The following GLTP variants were observed in gnomAD, a reference collection of about 807,000 sequenced individuals.
GLTP encodes glycolipid transfer protein.
GLTP carries 22 observed loss-of-function variants against 24.0 expected under a neutral mutation model. The observed-to-expected ratio is 0.92, with a 90% CI of 0.65 to 1.31. The LOEUF is 1.31. GLTP is among the 50% of genes most tolerant of loss of function. GLTP has a pLI of 0.00. For missense variants in GLTP, 224 were observed against 276.6 expected, an observed-to-expected ratio of 0.81 and a Z score of 1.35; for synonymous variants, 92 against 115.9, an observed-to-expected ratio of 0.79 and a Z score of 1.33.
At chr12:109,868,848 T>C (rs185552557) in intron 1 of GLTP, among the ~76,000 whole-genome samples, 1 of 152,270 alleles carries the variant, frequency 6.6e-6, no homozygotes, top group Non-Finnish European at 1.5e-5. Context: ...TTTATTAATC[T>C]GGGGGTGCGG....
At chr12:109,868,965 G>A (rs1047245891) in intron 1 of GLTP, among the ~76,000 whole-genome samples, 1 of 152,082 alleles carries the variant, frequency 6.6e-6, no homozygotes, top group African/African-American at 2.4e-5. Flanking sequence ...ACCTAAAGAG[G>A]AAAGAATGTT....
chr12:109,857,397 T>C lies in GLTP; in HGVS notation c.296+129A>G, dbSNP rs999046176. The C allele has an allele frequency of 1.9e-6, 2 of 1,040,858 alleles. No homozygotes were observed. Among genetic ancestry groups the C allele is most frequent in the Middle Eastern group, 3.2e-4 (1 of 3,124 alleles). The allele number at this position is 1,040,858 out of a possible 1,614,324, so 64.5% of individuals were successfully genotyped here. On this transcript the variant is annotated intron_variant, in intron 3 of 4. Coordinates refer to ENST00000318348, the MANE Select transcript of GLTP (RefSeq NM_016433.4). The surrounding 1 kb of genome is among the most constrained non-coding windows in gnomAD (Gnocchi z 4.3). ...CATTGGGAGGCCTTTTCCCAGCCAT[T>C]AACTAGCATCACACTGGAAGGGCTC...
Position 109,855,628 on chromosome 12 carries a change from C to T in GLTP, c.438G>A (p.Lys146=). Reference sequence around the variant, plus strand: ...CATGGGGGTGGCTCACCTGGAAGATCTTCTGCACGATCCAGCCATGGTACT... The same window carrying T: ...CATGGGGGTGGCTCACCTGGAAGATTTTCTGCACGATCCAGCCATGGTACT... ...LKKYHGWIVQ[K]IFQAALYAAP... Residue 146 remains lysine (K), a synonymous_variant, in exon 4 of 5, where the codon AAG becomes AAA. Coordinates refer to ENST00000318348, the MANE Select transcript of GLTP (RefSeq NM_016433.4). This position sits in a 1 kb window ranked among gnomAD's most constrained non-coding sequence, Gnocchi z 4.1. 1 of 1,560,776 alleles carries T rather than the reference C, an allele frequency of 6.4e-7. No individual in the cohort carries two copies. The highest frequency in any genetic ancestry group is 8.7e-7 in the Non-Finnish European group (1 of 1,152,856).
intron 1 of GLTP, among the ~76,000 whole-genome samples, chr12:109,874,125 G>T (rs939929837): frequency 1.3e-5 from 2 of 152,154 alleles, no homozygotes; most frequent in Non-Finnish European, 2.9e-5. Context: ...AGGACAGCAG[G>T]CATGACAGCA....
chr12:109,876,491 A>C (rs1444469530), intron 1 of GLTP, among the ~76,000 whole-genome samples: 1 of 151,962 alleles, frequency 6.6e-6, no homozygotes, highest in African/African-American at 2.4e-5. Flanking sequence ...GCAAGACAGA[A>C]AGAAAGAAAA....
At chr12:109,871,228 T>A (rs1485237593) in intron 1 of GLTP, among the ~76,000 whole-genome samples, 1 of 151,768 alleles carries the variant, frequency 6.6e-6, no homozygotes, top group Non-Finnish European at 1.5e-5. Flanking sequence ...GATTACAGGA[T>A]TGCGCCACCA....
intron 1 of GLTP, among the ~76,000 whole-genome samples, chr12:109,873,145 T>C (rs1326010730): frequency 1.3e-5 from 2 of 151,698 alleles, no homozygotes; most frequent in East Asian, 3.9e-4. Context: ...CCCTGTTCTA[T>C]ACAAAACCAA....
At chr12:109,853,793 G>C (rs1021452334) in intron 4 of GLTP, among the ~76,000 whole-genome samples, 12 of 151,658 alleles carry the variant, frequency 7.9e-5, no homozygotes, top group African/African-American at 2.7e-4. Context: ...CTCCAGGCTG[G>C]AGTCAGTGGC....
chr12:109,852,590 T>C lies in GLTP; in HGVS notation c.595A>G (p.Thr199Ala), dbSNP rs1892740017. Residue 199 changes from threonine to alanine, a missense_variant, in exon 5 of 5, where the codon ACC becomes GCC. By Grantham distance (58) the Thr-to-Ala change is moderately conservative. Coordinates refer to ENST00000318348, the MANE Select transcript of GLTP (RefSeq NM_016433.4). ...ATIDVIYEMY[T>A]QMNAELNYKV ...TAGTTAAGCTCAGCGTTCATCTGGG[T>C]GTACATCTCGTAGATGACATCGATG... 5.0e-6 allele frequency: 8 copies of C among 1,610,524 alleles called. No individual in the cohort carries two copies. The highest frequency in any genetic ancestry group is 1.7e-5 in the Admixed American group (1 of 59,996).
intron 1 of GLTP, among the ~76,000 whole-genome samples, chr12:109,859,256 A>G (rs953537077): frequency 2.0e-5 from 3 of 152,204 alleles, no homozygotes; most frequent in Non-Finnish European, 2.9e-5. Flanking sequence ...GCAGTGGCTC[A>G]CGCCTGTAAT....
At chr12:109,856,558 G>A (rs551196084) in intron 3 of GLTP, among the ~76,000 whole-genome samples, 1 of 152,206 alleles carries the variant, frequency 6.6e-6, no homozygotes, top group Non-Finnish European at 1.5e-5. Flanking sequence ...CTGACCCCCA[G>A]CAGGCTCTTT....
chr12:109,858,616 G>A (rs1367241477), intron 2 of GLTP, 67 bp downstream of exon 2: 1 of 1,153,210 alleles, frequency 8.7e-7, no homozygotes, highest in Non-Finnish European at 1.3e-6. Flanking sequence ...CCATGATGCT[G>A]GTAACCCAGG....
chr12:109,852,695 C>T lies in GLTP; in HGVS notation c.490G>A (p.Ala164Thr), dbSNP rs907921119. The T allele has an allele frequency of 6.2e-7, 1 of 1,613,050 alleles. No homozygotes were observed. The highest frequency in any genetic ancestry group is 1.3e-5 in the African/African-American group (1 of 74,894). ...AAPYKSDFLK[A>T]LSKGQNVTEE... is the part of the protein sequence containing the mutation. ...GTAACATTCTGCCCCTTGGAGAGCGCTTTCAGGAAGTCAGACTTATAGGGT... is the reference window on the plus strand; with the variant it reads ...GTAACATTCTGCCCCTTGGAGAGCGTTTTCAGGAAGTCAGACTTATAGGGT... The change falls in exon 5 of 5, where the codon GCG becomes ACG. Residue 164 changes from alanine to threonine, a missense_variant. Physicochemically the swap from Ala to Thr is moderately conservative, Grantham distance 58 (BLOSUM62 0). Coordinates refer to ENST00000318348, the MANE Select transcript of GLTP (RefSeq NM_016433.4).
chr12:109,872,411 A>G (rs1868753678), intron 1 of GLTP, among the ~76,000 whole-genome samples: 1 of 151,902 alleles, frequency 6.6e-6, no homozygotes, highest in South Asian at 2.1e-4. Flanking sequence ...GTTTCCTTCC[A>G]CTCATCTGTC....
At chr12:109,868,586 CTG>C (rs1225627490) in intron 1 of GLTP, among the ~76,000 whole-genome samples, 1 of 152,212 alleles carries the variant, frequency 6.6e-6, no homozygotes, top group East Asian at 1.9e-4. Flanking sequence ...CACTTTCAGC[CTG>C]TGTGATTCAG....
At position 109,880,447 on chromosome 12, in the gene GLTP, G is replaced by T. The variant is rs1388645478; in HGVS notation, c.-73C>A. 8 of 596,428 alleles carry T rather than the reference G, an allele frequency of 1.3e-5. No homozygotes were observed. In the South Asian group the frequency reaches 2.7e-4, roughly 20 times the overall value. The allele number at this position is 596,428 out of a possible 1,614,324, so 36.9% of individuals were successfully genotyped here. On this transcript the variant is annotated 5_prime_UTR_variant, in exon 1 of 5. Coordinates refer to ENST00000318348, the MANE Select transcript of GLTP (RefSeq NM_016433.4). The surrounding 1 kb of genome is among the most constrained non-coding windows in gnomAD (Gnocchi z 5.1). ...CGACACCGCCCCCCCGGCCGCCGCC[G>T]TCAGCGCCGGGGCCGTCACAGCCGC...
At chr12:109,878,968 C>CTATTTGGCACT (rs1868969998) in intron 1 of GLTP, among the ~76,000 whole-genome samples, 1 of 152,234 alleles carries the variant, frequency 6.6e-6, no homozygotes, top group South Asian at 2.1e-4. Flanking sequence ...CAGCGAAGAC[C>CTATTTGGCACT]TATTTGGCAC....
At chr12:109,879,190 G>A (rs1168638144) in intron 1 of GLTP, among the ~76,000 whole-genome samples, 1 of 152,164 alleles carries the variant, frequency 6.6e-6, no homozygotes, top group Non-Finnish European at 1.5e-5. Context: ...AAGTCGGACT[G>A]TCTTAAGATC....
At chr12:109,853,560 G>C (rs1049205431) in intron 4 of GLTP, among the ~76,000 whole-genome samples, 1 of 151,408 alleles carries the variant, frequency 6.6e-6, no homozygotes, top group Non-Finnish European at 1.5e-5. Flanking sequence ...GTGGTGGCTG[G>C]CATCTGTAGT....
Sources: allele counts gnomAD v4.1 joint callset (sites outside exome capture counted in the v4.1 genomes callset), GRCh38; gene constraint gnomAD v4.1.1; non-coding constraint Gnocchi (gnomAD v3.1); transcripts MANE v1.5; gene names NCBI Gene and HGNC (gene_info 2026-07-23, HGNC 2026-07-21).